YY1: variants seen among roughly 807,000 people sequenced by gnomAD.
YY1 encodes the protein transcriptional repressor protein YY1.
A neutral mutation model predicts 35.6 loss-of-function variants in YY1; 2 were observed. The ratio of observed to expected loss-of-function variants is 0.06; its 90% CI spans 0.02 to 0.18. The LOEUF is 0.18. Ranked by LOEUF, YY1 falls within the 10% of genes least tolerant of loss-of-function variation. The pLI, the probability that YY1 is intolerant of heterozygous loss-of-function variation, is 1.00. For synonymous variants in YY1, 268 were observed against 238.9 expected (o/e 1.12, Z -1.12); for missense variants, 322 against 573.4 (o/e 0.56, Z 4.48).
intron 2 of YY1, among the ~76,000 whole-genome samples, chr14:100,266,799 TAG>T (rs1891162986): frequency 6.6e-6 from 1 of 152,100 alleles, no homozygotes; most frequent in Admixed American, 6.6e-5. Context: ...ACTGTAAACA[TAG>T]AGTTATTGAT....
intron 1 of YY1, among the ~76,000 whole-genome samples, chr14:100,257,379 CT>C (rs1458696657): frequency 6.6e-6 from 1 of 152,278 alleles, no homozygotes; most frequent in Non-Finnish European, 1.5e-5. Flanking sequence ...CCTGTGATTC[CT>C]TTATGCCATG....
chr14:100,262,182 G>A, intron 1 of YY1, 122 bp from the exon 2 acceptor site: 1 of 1,072,394 alleles, frequency 9.3e-7, no homozygotes, highest in Non-Finnish European at 1.4e-6. Flanking sequence ...AAAGGGAGAG[G>A]GGAGAACAAA....
intron 2 of YY1, among the ~76,000 whole-genome samples, chr14:100,263,318 G>A (rs1026414471): frequency 2.0e-5 from 3 of 152,224 alleles, no homozygotes; most frequent in African/African-American, 7.2e-5. Context: ...TCATAAATTC[G>A]TGTTTGTCTT....
intron 1 of YY1, among the ~76,000 whole-genome samples, chr14:100,240,839 G>A (rs1251024682): frequency 3.9e-5 from 6 of 152,092 alleles, no homozygotes; most frequent in African/African-American, 1.4e-4. Context: ...TGAATAGGTT[G>A]GGTTAGTTTA....
At chr14:100,272,806 A>G (rs1891261505) in intron 2 of YY1, among the ~76,000 whole-genome samples, 1 of 152,046 alleles carries the variant, frequency 6.6e-6, no homozygotes, top group African/African-American at 2.4e-5. Context: ...ATCCCACACC[A>G]TTCTTTCCCT....
chr14:100,250,932 A>G (rs1355119848), intron 1 of YY1, among the ~76,000 whole-genome samples: 1 of 151,880 alleles, frequency 6.6e-6, no homozygotes, highest in Non-Finnish European at 1.5e-5. Flanking sequence ...ACCTGAGCCC[A>G]GGAGGTCAAG....
At position 100,249,370 on chromosome 14, in the gene YY1, C is replaced by T. The variant is rs143146037; in HGVS notation, c.679+9447C>T. On this transcript the variant is annotated intron_variant, in intron 1 of 4. Coordinates refer to ENST00000262238, the MANE Select transcript of YY1 (RefSeq NM_003403.5). ...TCCTGACCTCAAGTGATCTGCCTGC[C>T]TCAGCCTCCAAAGTTCTGGGATTAC... Among the ~76,000 whole-genome samples the T allele has an allele frequency of 3.9e-5, 6 of 151,978 alleles. No homozygotes were observed. The East Asian group carries it at 9.7e-4, about 25-fold the overall frequency.
At chr14:100,245,260 T>C (rs1345131310) in intron 1 of YY1, among the ~76,000 whole-genome samples, 1 of 152,192 alleles carries the variant, frequency 6.6e-6, no homozygotes, top group East Asian at 1.9e-4. Context: ...TTAACCTGAA[T>C]ATACTTAACT....
chr14:100,276,322 G>A lies in YY1; in HGVS notation c.904-168G>A. On this transcript the variant is annotated intron_variant, in intron 3 of 4. Coordinates refer to ENST00000262238, the MANE Select transcript of YY1 (RefSeq NM_003403.5). The surrounding 1 kb of genome is among the most constrained non-coding windows in gnomAD (Gnocchi z 4.1). ...TGAATGATGACTTTTTCAGCTGTCT[G>A]CTTTTTGTCTTAAATGATATTAATG... 3 of 905,678 alleles carry A rather than the reference G, an allele frequency of 3.3e-6. No individual in the cohort carries two copies. The highest frequency in any genetic ancestry group is 2.7e-5 in the East Asian group (1 of 37,132). The allele number at this position is 905,678 out of a possible 1,614,324, so 56.1% of individuals were successfully genotyped here.
intron 1 of YY1, among the ~76,000 whole-genome samples, chr14:100,250,253 A>C (rs1397762803): frequency 1.3e-5 from 2 of 152,182 alleles, no homozygotes; most frequent in African/African-American, 4.8e-5. Flanking sequence ...AGTGGGAAAA[A>C]CTGGGAAACA....
At chr14:100,263,699 A>T (rs1891115412) in intron 2 of YY1, 1 of 152,042 alleles carries the variant, frequency 6.6e-6, no homozygotes, top group South Asian at 2.1e-4. Context: ...GATCTTGCAC[A>T]TTCTAAGAAC....
intron 2 of YY1, among the ~76,000 whole-genome samples, chr14:100,269,710 T>C (rs1013207549): frequency 6.6e-6 from 1 of 152,224 alleles, no homozygotes; most frequent in African/African-American, 2.4e-5. Flanking sequence ...GGAGGATGAT[T>C]TGCCAAGGAG....
chr14:100,271,564 C>T (rs983035099), intron 2 of YY1, among the ~76,000 whole-genome samples: 7 of 152,116 alleles, frequency 4.6e-5, no homozygotes, highest in African/African-American at 1.4e-4. Context: ...TGGGGTTTTG[C>T]ATATGCATAA....
At chr14:100,251,906 G>A (rs553854493) in intron 1 of YY1, among the ~76,000 whole-genome samples, 2 of 152,262 alleles carry the variant, frequency 1.3e-5, no homozygotes, top group Admixed American at 1.3e-4. Context: ...GGGATTACAG[G>A]TGTGAACTCC....
At chr14:100,243,396 A>T (rs971607631) in intron 1 of YY1, among the ~76,000 whole-genome samples, 1 of 152,238 alleles carries the variant, frequency 6.6e-6, no homozygotes, top group Non-Finnish European at 1.5e-5. Flanking sequence ...ACAGTTTTGC[A>T]TAAGCCCCAA....
chr14:100,262,232 C>T (rs977875002), intron 1 of YY1, 72 bp from the exon 2 acceptor site: 5 of 1,534,324 alleles, frequency 3.3e-6, no homozygotes, highest in Non-Finnish European at 3.6e-6. Context: ...TAAGAAGTTA[C>T]TGGTGAAAGC....
intron 1 of YY1, among the ~76,000 whole-genome samples, chr14:100,247,993 T>C (rs1344506320): frequency 2.3e-4 from 35 of 152,206 alleles, no homozygotes; most frequent in Admixed American, 2.3e-3. Flanking sequence ...TTGCCCAGGC[T>C]GGAGTGCAGT....
rs556062621 is a variant in YY1 at position 100,271,412 on chromosome 14, T to G, written c.843-3286T>G. Among the ~76,000 whole-genome samples, 6 of 152,302 alleles carry G rather than the reference T, an allele frequency of 3.9e-5. No individual in the cohort carries two copies. The East Asian group carries it at 1.2e-3, about 29-fold the overall frequency. ...TGATTTTGTGAACTCAGGCCAGAAC[T>G]CCAGGATTTATTTGTATTTAAGATA... On this transcript the variant is annotated intron_variant, in intron 2 of 4. Transcript: ENST00000262238.
chr14:100,241,599 T>C (rs1890743170), intron 1 of YY1, among the ~76,000 whole-genome samples: 1 of 152,224 alleles, frequency 6.6e-6, no homozygotes, highest in Non-Finnish European at 1.5e-5. Flanking sequence ...ATGAATACTT[T>C]AGTACTTAAT....
Sources: gnomAD v4.1 joint callset for allele counts (sites outside exome capture counted in the v4.1 genomes callset) on GRCh38, gnomAD v4.1.1 for gene constraint, Gnocchi (gnomAD v3.1) non-coding constraint, MANE v1.5 for transcripts, NCBI Gene and HGNC (gene_info 2026-07-23, HGNC 2026-07-21) for gene names.